Variants in ADAM22 observed in about 807,000 individuals in gnomAD.
The protein encoded by ADAM22 is ADAM metallopeptidase domain 22.
Under a neutral mutation model 144.6 loss-of-function variants are expected in ADAM22, and 65 were observed. That is an observed-to-expected ratio of 0.45 (90% CI 0.37 to 0.55). The LOEUF (loss-of-function observed/expected upper bound fraction) is 0.55, where lower values mean the gene tolerates loss of function less well. Among genes scored for constraint, ADAM22 ranks in the 20% least tolerant of loss-of-function variants. ADAM22 has a pLI of 0.00. For missense variants in ADAM22, 974 were observed against 1,184.9 expected (o/e 0.82, Z 2.61); for synonymous variants, 391 against 412.6 (o/e 0.95, Z 0.63).
intron 3 of ADAM22, among the ~76,000 whole-genome samples, chr7:88,031,587 G>A (rs1800271878): frequency 6.6e-6 from 1 of 152,194 alleles, no homozygotes; most frequent in Non-Finnish European, 1.5e-5. Flanking sequence ...TTTCTAAGTA[G>A]CAAAGCATTC....
chr7:87,938,646 T>A lies in ADAM22; in HGVS notation c.246+3460T>A, dbSNP rs530217842. Among the ~76,000 whole-genome samples the A allele has an allele frequency of 4.3e-3, 657 of 152,264 alleles. 5 individuals are homozygous for A. Among genetic ancestry groups the A allele is most frequent in the African/African-American group, 0.015 (612 of 41,546 alleles). ...TTAAAAGGCATTTATTTATTTATTT[T>A]ATTTATTTTTTTCTTTTGAGATGGA... On this transcript the variant is annotated intron_variant, in intron 2 of 31. Coordinates refer to ENST00000413139, the MANE Select transcript of ADAM22 (RefSeq NM_001324418.2).
intron 3 of ADAM22, among the ~76,000 whole-genome samples, chr7:87,980,561 G>A (rs1020174606): frequency 3.3e-5 from 5 of 151,930 alleles, no homozygotes; most frequent in African/African-American, 1.2e-4. Flanking sequence ...AATTAAATAA[G>A]TCCATGTAGC....
chr7:88,064,572 A>G (rs1392566503), intron 3 of ADAM22, among the ~76,000 whole-genome samples: 2 of 152,166 alleles, frequency 1.3e-5, no homozygotes, highest in African/African-American at 4.8e-5. Context: ...TGGCAGATTC[A>G]GTGTCTGGTA....
intron 12 of ADAM22, among the ~76,000 whole-genome samples, chr7:88,133,577 A>G (rs1202752341): frequency 2.0e-5 from 3 of 152,044 alleles, no homozygotes; most frequent in African/African-American, 7.2e-5. Flanking sequence ...CCTTCATTGA[A>G]AATAAGGCCC....
chr7:88,047,910 T>A (rs559042150), intron 3 of ADAM22, among the ~76,000 whole-genome samples: 1 of 152,078 alleles, frequency 6.6e-6, no homozygotes, highest in Non-Finnish European at 1.5e-5. Flanking sequence ...TACATATATA[T>A]AAGAAAAGTG....
chr7:88,097,859 A>G (rs550449080), intron 4 of ADAM22, among the ~76,000 whole-genome samples: 17 of 152,292 alleles, frequency 1.1e-4, no homozygotes, highest in African/African-American at 3.9e-4. Flanking sequence ...ATTATTCATA[A>G]AAAGGTACAA....
At chr7:88,063,371 GA>G (rs1374116854) in intron 3 of ADAM22, among the ~76,000 whole-genome samples, 2 of 152,040 alleles carry the variant, frequency 1.3e-5, no homozygotes, top group Non-Finnish European at 2.9e-5. Context: ...AGTTCTCCCA[GA>G]AAACAGGACA....
intron 22 of ADAM22, among the ~76,000 whole-genome samples, chr7:88,161,193 G>GAAAAAAA (rs34723283): frequency 7.3e-6 from 1 of 136,962 alleles, no homozygotes. Context: ...AACATATTTG[G>GAAAAAAA]AAAAAAAAAA....
chr7:88,032,140 A>G (rs986723621), intron 3 of ADAM22, among the ~76,000 whole-genome samples: 2 of 152,194 alleles, frequency 1.3e-5, no homozygotes, highest in Non-Finnish European at 2.9e-5. Flanking sequence ...CTCTGAGAAG[A>G]AGGCCACCAT....
intron 4 of ADAM22, among the ~76,000 whole-genome samples, chr7:88,102,688 G>A (rs182497125): frequency 9.2e-5 from 14 of 152,218 alleles, no homozygotes; most frequent in African/African-American, 3.1e-4. Context: ...CTGGGCAAGA[G>A]ACAGTATCTG....
chr7:87,981,542 G>A, intron 3 of ADAM22, among the ~76,000 whole-genome samples: 1 of 152,122 alleles, frequency 6.6e-6, no homozygotes, highest in Non-Finnish European at 1.5e-5. Flanking sequence ...GTGGTGTGGG[G>A]ATAGGGAAGA....
Position 88,029,584 on chromosome 7 carries a change from A to AT in ADAM22, c.324-46036dup, listed in dbSNP as rs943692643. ...TCAATAAGTTTTGTACCTTCAGATG[A>AT]TTTTTTGCTGCTCATTAATGTCCTT... On this transcript the variant is annotated intron_variant, in intron 3 of 31. Transcript: ENST00000413139. Among the ~76,000 whole-genome samples, 50 of 152,088 alleles carry AT rather than the reference A, an allele frequency of 3.3e-4. 1 individual carries two copies. The highest frequency in any genetic ancestry group is 3.4e-3 in the Middle Eastern group (1 of 294).
At chr7:88,105,767 G>A (rs1163594767) in intron 4 of ADAM22, among the ~76,000 whole-genome samples, 2 of 152,130 alleles carry the variant, frequency 1.3e-5, no homozygotes, top group Non-Finnish European at 2.9e-5. Context: ...AGAGATTGTG[G>A]TTCCTATGTA....
intron 2 of ADAM22, among the ~76,000 whole-genome samples, chr7:87,954,347 A>G (rs1846081775): frequency 6.6e-6 from 1 of 152,038 alleles, no homozygotes; most frequent in South Asian, 2.1e-4. Context: ...GGTGGTGACA[A>G]AATCTCTCAG....
At position 88,062,669 on chromosome 7, in the gene ADAM22, G is replaced by T. The variant is rs116310334; in HGVS notation, c.324-12957G>T. On this transcript the variant is annotated intron_variant, in intron 3 of 31. Coordinates refer to ENST00000413139, the MANE Select transcript of ADAM22 (RefSeq NM_001324418.2). ...TTGGCTAACTGTTTGGCATTAAGAG[G>T]TTTAGTTTTTGACTTATCTTGGCTT... Among the ~76,000 whole-genome samples, 867 of 152,284 alleles carry T rather than the reference G, an allele frequency of 5.7e-3. 14 individuals carry two copies. Among genetic ancestry groups the T allele is most frequent in the African/African-American group, 0.02 (820 of 41,558 alleles).
chr7:87,995,588 G>A (rs1441726668), intron 3 of ADAM22, among the ~76,000 whole-genome samples: 1 of 152,198 alleles, frequency 6.6e-6, no homozygotes, highest in Non-Finnish European at 1.5e-5. Flanking sequence ...AAACTTGTTA[G>A]AAATGCACAT....
intron 4 of ADAM22, among the ~76,000 whole-genome samples, chr7:88,105,056 G>T (rs1823992347): frequency 6.6e-6 from 1 of 151,956 alleles, no homozygotes; most frequent in African/African-American, 2.4e-5. Flanking sequence ...TGAATTATTT[G>T]TCCTTTTTAT....
chr7:88,194,703 A>G (rs1850322155), intron 31 of ADAM22, among the ~76,000 whole-genome samples: 1 of 152,094 alleles, frequency 6.6e-6, no homozygotes, highest in South Asian at 2.1e-4. Context: ...TCTTTATAAA[A>G]CAATATTGAG....
chr7:88,085,083 A>G (rs1392605892), intron 4 of ADAM22, among the ~76,000 whole-genome samples: 1 of 152,208 alleles, frequency 6.6e-6, no homozygotes, highest in African/African-American at 2.4e-5. Flanking sequence ...ATACAGTTAT[A>G]TTCTGAGGTA....
Sources: gnomAD v4.1 joint callset for allele counts (sites outside exome capture counted in the v4.1 genomes callset) on GRCh38, gnomAD v4.1.1 for gene constraint, MANE v1.5 for transcripts, NCBI Gene and HGNC (gene_info 2026-07-23, HGNC 2026-07-21) for gene names.